The following MEIOB variants were observed in gnomAD, a reference collection of about 807,000 sequenced individuals.
MEIOB encodes meiosis-specific with OB domain-containing protein.
In MEIOB, 50 loss-of-function variants were observed where a neutral mutation model predicts 53.1. That is an observed-to-expected ratio of 0.94 (90% CI 0.75 to 1.19). The LOEUF is 1.19. Among genes scored for constraint, MEIOB ranks in the 50% most tolerant of loss-of-function variants. The pLI is 0.00. For missense variants in MEIOB, 551 were observed against 550.8 expected, an observed-to-expected ratio of 1.00 and a Z score of 0.00; for synonymous variants, 192 against 182.5, an observed-to-expected ratio of 1.05 and a Z score of -0.42.
intron 9 of MEIOB, among the ~76,000 whole-genome samples, chr16:1,849,282 G>A (rs1596972262): frequency 6.6e-6 from 1 of 152,008 alleles, no homozygotes; most frequent in Non-Finnish European, 1.5e-5. Context: ...GCTGGGCGCG[G>A]TGGCTCACAC....
chr16:1,845,007 C>A, intron 9 of MEIOB, 44 bp from the exon 10 acceptor site: 1 of 845,670 alleles, frequency 1.2e-6, no homozygotes, highest in South Asian at 1.6e-5. Flanking sequence ...AACTGATTAT[C>A]ATTTAAATCA....
rs568764255 is a variant in MEIOB, at chr16:1,858,209, T to C, written c.333-279A>G. On this transcript the variant is annotated intron_variant, in intron 5 of 13. Transcript: ENST00000325962. ...GCGCTTGTTTCCTTCTCCAAAAAAATAGGAGCAAAAAAGCGCTCTGAAACT... is the reference window on the plus strand; with the variant it reads ...GCGCTTGTTTCCTTCTCCAAAAAAACAGGAGCAAAAAAGCGCTCTGAAACT... 3.3e-5 allele frequency among the ~76,000 whole-genome samples: 5 copies of C among 152,292 alleles called. No individual in the cohort carries two copies. The South Asian group carries it at 6.2e-4, about 19-fold the overall frequency.
chr16:1,868,515 G>A (rs183610664), intron 1 of MEIOB, among the ~76,000 whole-genome samples: 90 of 150,650 alleles, frequency 6.0e-4, no homozygotes, highest in Non-Finnish European at 1.0e-3. Context: ...GCAACAGAGC[G>A]AGACTCTGTC....
chr16:1,863,364 T>A (rs1239459054), intron 3 of MEIOB, among the ~76,000 whole-genome samples: 1 of 151,692 alleles, frequency 6.6e-6, no homozygotes, highest in Admixed American at 6.6e-5. Flanking sequence ...GTTTTTTGTT[T>A]TTTTTTTAGT....
At chr16:1,851,248 C>T (rs2142087526) in intron 9 of MEIOB, among the ~76,000 whole-genome samples, 1 of 152,290 alleles carries the variant, frequency 6.6e-6, no homozygotes. Flanking sequence ...GGGCTCCAGC[C>T]ACACCAGCCC....
rs757982233 is a variant in MEIOB, at chr16:1,855,736, C to T, written c.529-1536G>A. On this transcript the variant is annotated intron_variant, in intron 6 of 13. Coordinates refer to ENST00000325962, the MANE Select transcript of MEIOB (RefSeq NM_001163560.3). ...ATAAACTGCCTACAAAGTGACTTCT[C>T]CTGTTTTTCAAGATGATCATATAGC... Among the ~76,000 whole-genome samples the T allele has an allele frequency of 2.4e-4, 37 of 152,194 alleles. 1 individual carries two copies. The highest frequency in any genetic ancestry group is 8.4e-4 in the African/African-American group (35 of 41,450).
chr16:1,839,328 A>G lies in MEIOB; in HGVS notation c.1145T>C (p.Leu382Pro). ...VFLSFHVLID[L>P]TDHTGTLHSC... The stretch of plus-strand genomic sequence containing the variant: ...ATGAAGGGTGCCTGTGTGATCAGTC[A>G]GATCAATCAGCACATGGAAACTGAG... Residue 382 changes from leucine (L) to proline (P), a missense_variant, in exon 12 of 14, where the codon CTG becomes CCG. Coordinates refer to ENST00000325962, the MANE Select transcript of MEIOB (RefSeq NM_001163560.3). 6.2e-7 allele frequency: 1 copy of G among 1,614,240 alleles called. No homozygotes were observed. The highest frequency in any genetic ancestry group is 1.3e-5 in the African/African-American group (1 of 75,064).
At chr16:1,841,686 T>G (rs1898914805) in intron 11 of MEIOB, 134 bp downstream of exon 11, 4 of 515,670 alleles carry the variant, frequency 7.8e-6, no homozygotes, top group Admixed American at 4.2e-5. Flanking sequence ...CAGTACAGTT[T>G]TTTACACATT....
intron 5 of MEIOB, among the ~76,000 whole-genome samples, chr16:1,858,338 A>G (rs1657121): frequency 0.83 from 125,556 of 152,028 alleles, 51,969 homozygotes; most frequent in Middle Eastern, 0.9. Context: ...TCCTACCCCT[A>G]CTGAGCTCTG....
intron 5 of MEIOB, among the ~76,000 whole-genome samples, chr16:1,858,748 G>A (rs420681): frequency 0.83 from 125,638 of 152,124 alleles, 52,008 homozygotes; most frequent in Middle Eastern, 0.9. Flanking sequence ...CATTCCAGCC[G>A]TATCAGACTA....
chr16:1,846,493 G>A (rs1455164273), intron 9 of MEIOB, among the ~76,000 whole-genome samples: 5 of 152,168 alleles, frequency 3.3e-5, no homozygotes, highest in East Asian at 1.9e-4. Context: ...TGTAGCCCAG[G>A]AAATTAAAAG....
At chr16:1,846,315 G>T (rs1340374466) in intron 9 of MEIOB, among the ~76,000 whole-genome samples, 2 of 152,132 alleles carry the variant, frequency 1.3e-5, no homozygotes, top group Non-Finnish European at 2.9e-5. Context: ...TACCAGCACT[G>T]CAGGTCCTCA....
rs755719433 is a variant in MEIOB, at chr16:1,839,445, A to G, written c.1035-7T>C. The G allele has an allele frequency of 2.3e-5, 37 of 1,600,592 alleles. No homozygotes were observed. Among genetic ancestry groups the G allele is most frequent in the Non-Finnish European group, 3.1e-5 (36 of 1,174,642 alleles). ...AATATAACCACAGCTGGAACTGAAA[A>G]GAAACAAAGACAATGATAAAATGTG... On this transcript the variant is annotated splice_region_variant and splice_polypyrimidine_tract_variant and intron_variant, in intron 11 of 13. Coordinates refer to ENST00000325962, the MANE Select transcript of MEIOB (RefSeq NM_001163560.3).
chr16:1,840,093 C>G (rs905486150), intron 11 of MEIOB: 7 of 152,254 alleles, frequency 4.6e-5, no homozygotes, highest in Non-Finnish European at 8.8e-5. Context: ...TCAAATTTCT[C>G]AAATAGGGGA....
chr16:1,866,658 T>G (rs1479963654), intron 2 of MEIOB, among the ~76,000 whole-genome samples: 4 of 151,954 alleles, frequency 2.6e-5, no homozygotes, highest in African/African-American at 9.7e-5. Flanking sequence ...GAGGCACAGG[T>G]TGCAGTGAGC....
In MEIOB at chr16:1,847,101, G is replaced by C. The variant is rs144430551; in HGVS notation, c.779-2138C>G. 2.8e-3 allele frequency among the ~76,000 whole-genome samples: 428 copies of C among 152,210 alleles called. 3 individuals are homozygous for C. Among genetic ancestry groups the C allele is most frequent in the Middle Eastern group, 0.017 (5 of 294 alleles). On this transcript the variant is annotated intron_variant, in intron 9 of 13. Transcript: ENST00000325962. ...ACCCAGGAGGCAGAGACTGCAGTAA[G>C]CCGAGATCACGCCACTGCACTCCAG...
intron 7 of MEIOB, 77 bp downstream of exon 7, chr16:1,854,023 C>T: frequency 8.7e-6 from 7 of 806,644 alleles, no homozygotes; most frequent in Non-Finnish European, 1.4e-5. Flanking sequence ...TGAAGTCCAT[C>T]ATATTTTTGA....
chr16:1,835,709 C>T (rs939379671), intron 13 of MEIOB, among the ~76,000 whole-genome samples: 2 of 152,126 alleles, frequency 1.3e-5, no homozygotes, highest in Non-Finnish European at 2.9e-5. Flanking sequence ...GACAGTGATT[C>T]GAATGACCCT....
At chr16:1,842,453 TAAAAAAAA>T (rs74460539) in intron 10 of MEIOB, among the ~76,000 whole-genome samples, 22,647 of 124,698 alleles carry the variant, frequency 0.18, 2,006 homozygotes, top group South Asian at 0.32. Flanking sequence ...TGTCTCTACT[TAAAAAAAA>T]AAAAAAAAAA....
Sources: allele counts gnomAD v4.1 joint callset (sites outside exome capture counted in the v4.1 genomes callset), GRCh38; gene constraint gnomAD v4.1.1; transcripts MANE v1.5; gene names NCBI Gene and HGNC (gene_info 2026-07-23, HGNC 2026-07-21).